SLC4A4: variants seen among roughly 807,000 people sequenced by gnomAD.
SLC4A4 encodes electrogenic sodium bicarbonate cotransporter 1.
A neutral mutation model predicts 111.5 loss-of-function variants in SLC4A4; 27 were observed. The observed-to-expected ratio is 0.24, with a 90% CI of 0.18 to 0.33. The LOEUF (loss-of-function observed/expected upper bound fraction) is 0.33, where lower values mean the gene tolerates loss of function less well. SLC4A4 is among the 10% of genes least tolerant of loss of function. SLC4A4 has a pLI of 1.00. For synonymous variants in SLC4A4, 443 were observed against 463.4 expected, an observed-to-expected ratio of 0.96 and a Z score of 0.57; for missense variants, 909 against 1,315.5, an observed-to-expected ratio of 0.69 and a Z score of 4.78.
chr4:71,535,559 T>C (rs1734340507), intron 18 of SLC4A4, among the ~76,000 whole-genome samples: 1 of 152,158 alleles, frequency 6.6e-6, no homozygotes, highest in South Asian at 2.1e-4. Context: ...TCCCGAAGCA[T>C]GTTGACAATG....
chr4:71,486,326 G>C (rs1241190019), intron 14 of SLC4A4, among the ~76,000 whole-genome samples: 1 of 151,290 alleles, frequency 6.6e-6, no homozygotes, highest in Non-Finnish European at 1.5e-5. Flanking sequence ...GAGGAACGTT[G>C]GTTTAATAAA....
At chr4:71,354,234 A>C (rs1001293764) in intron 5 of SLC4A4, among the ~76,000 whole-genome samples, 1 of 152,192 alleles carries the variant, frequency 6.6e-6, no homozygotes, top group African/African-American at 2.4e-5. Flanking sequence ...ATGGGAAGTG[A>C]ATTGGGAAAA....
chr4:71,437,339 A>G, intron 7 of SLC4A4: 2 of 350,678 alleles, frequency 5.7e-6, no homozygotes, highest in Non-Finnish European at 1.1e-5. Context: ...CTCAATTTCC[A>G]GAATACATAA....
intron 2 of SLC4A4, among the ~76,000 whole-genome samples, chr4:71,145,733 G>A (rs139452330): frequency 0.038 from 5,777 of 152,156 alleles, 144 homozygotes; most frequent in Middle Eastern, 0.065. Flanking sequence ...GTTTATTTGC[G>A]TAGAGGTGTT....
chr4:71,265,051 A>T (rs1190041405), intron 3 of SLC4A4, among the ~76,000 whole-genome samples: 4 of 152,324 alleles, frequency 2.6e-5, no homozygotes, highest in South Asian at 2.1e-4. Flanking sequence ...CTGACTTTGG[A>T]AATCTGTCTA....
intron 1 of SLC4A4, among the ~76,000 whole-genome samples, chr4:71,086,285 C>G (rs1211189716): frequency 6.6e-6 from 1 of 151,340 alleles, no homozygotes; most frequent in Non-Finnish European, 1.5e-5. Context: ...AGTTGCTTAT[C>G]AGCTTAAGGA....
At chr4:71,227,294 C>A (rs951343948) in intron 1 of SLC4A4, among the ~76,000 whole-genome samples, 5 of 152,116 alleles carry the variant, frequency 3.3e-5, no homozygotes, top group African/African-American at 1.2e-4. Flanking sequence ...GATGGTAGGA[C>A]CTGAGCTTAC....
intron 3 of SLC4A4, among the ~76,000 whole-genome samples, chr4:71,270,706 T>C (rs991745159): frequency 2.6e-5 from 4 of 152,222 alleles, no homozygotes; most frequent in African/African-American, 9.6e-5. Flanking sequence ...ACCAGTTATG[T>C]GATGTATCCA....
chr4:71,081,329 T>G (rs754613680), intron 1 of SLC4A4, among the ~76,000 whole-genome samples: 8 of 152,100 alleles, frequency 5.3e-5, no homozygotes, highest in Non-Finnish European at 1.0e-4. Flanking sequence ...AGCTCACCAC[T>G]GAGATTCCCA....
intron 1 of SLC4A4, among the ~76,000 whole-genome samples, chr4:71,202,133 C>T (rs868570563): frequency 3.9e-5 from 6 of 152,168 alleles, no homozygotes; most frequent in Middle Eastern, 3.2e-3. Flanking sequence ...GAACATATAA[C>T]CAATACATAT....
intron 12 of SLC4A4, among the ~76,000 whole-genome samples, chr4:71,460,554 G>A (rs556323407): frequency 6.6e-6 from 1 of 152,138 alleles, no homozygotes; most frequent in South Asian, 2.1e-4. Flanking sequence ...TGCTTATGAC[G>A]ACAAAGTACT....
At chr4:71,482,617 T>C (rs973513197) in intron 14 of SLC4A4, among the ~76,000 whole-genome samples, 1 of 151,596 alleles carries the variant, frequency 6.6e-6, no homozygotes, top group African/African-American at 2.4e-5. Context: ...CAAACTCTCG[T>C]GACAGGAAGC....
intron 14 of SLC4A4, among the ~76,000 whole-genome samples, chr4:71,477,457 C>T (rs961040956): frequency 1.2e-4 from 18 of 151,658 alleles, no homozygotes; most frequent in African/African-American, 4.1e-4. Flanking sequence ...CCTTCTCCCC[C>T]AAAATTAACA....
chr4:71,284,834 G>A (rs974325837), intron 3 of SLC4A4, among the ~76,000 whole-genome samples: 8 of 152,130 alleles, frequency 5.3e-5, no homozygotes, highest in African/African-American at 1.9e-4. Flanking sequence ...TGAGCTTTAT[G>A]TTGTCCCCTG....
At chr4:71,349,473 T>A (rs1225190269) in intron 4 of SLC4A4, among the ~76,000 whole-genome samples, 1 of 152,232 alleles carries the variant, frequency 6.6e-6, no homozygotes, top group Non-Finnish European at 1.5e-5. Flanking sequence ...GGTTCATCAC[T>A]GATATTTCAC....
chr4:71,159,365 T>A (rs1744561875), intron 2 of SLC4A4, among the ~76,000 whole-genome samples: 1 of 152,126 alleles, frequency 6.6e-6, no homozygotes, highest in Admixed American at 6.6e-5. Context: ...GGTAAATATT[T>A]TATTTTTTTT....
intron 15 of SLC4A4, among the ~76,000 whole-genome samples, chr4:71,494,761 T>C (rs4469035): frequency 0.72 from 109,494 of 151,876 alleles, 40,562 homozygotes; most frequent in Non-Finnish European, 0.82. Context: ...GGGTCTCCTG[T>C]ATTAAGGCCA....
intron 7 of SLC4A4, among the ~76,000 whole-genome samples, chr4:71,420,910 G>A (rs1240550643): frequency 1.3e-5 from 2 of 149,950 alleles, no homozygotes; most frequent in Non-Finnish European, 3.0e-5. Context: ...ATTGAGACTA[G>A]GAAGAAACTG....
Position 71,278,737 on chromosome 4 carries a change from T to C in SLC4A4, c.253+23338T>C, listed in dbSNP as rs551543875. ...TGTACCTATTGGTCATTTATTTATATGTCTTCTTTGGGAAAATGTCTAATT... is the reference window on the plus strand; with the variant it reads ...TGTACCTATTGGTCATTTATTTATACGTCTTCTTTGGGAAAATGTCTAATT... On this transcript the variant is annotated intron_variant, in intron 3 of 25. Transcript: ENST00000264485. 3.9e-5 allele frequency among the ~76,000 whole-genome samples: 6 copies of C among 152,368 alleles called. No individual in the cohort carries two copies. In the South Asian group the frequency reaches 1.2e-3, roughly 32 times the overall value.
Sources: gnomAD v4.1 joint callset for allele counts (sites outside exome capture counted in the v4.1 genomes callset) on GRCh38, gnomAD v4.1.1 for gene constraint, MANE v1.5 for transcripts, NCBI Gene and HGNC (gene_info 2026-07-23, HGNC 2026-07-21) for gene names.